LRRC72: variants seen among roughly 807,000 people sequenced by gnomAD.
LRRC72 encodes leucine-rich repeat-containing protein 72.
LRRC72 carries 41 observed loss-of-function variants against 35.8 expected under a neutral mutation model. The observed-to-expected ratio is 1.15, with a 90% CI of 0.89 to 1.49. The LOEUF is 1.49. Ranked by LOEUF, LRRC72 falls within the 40% of genes most tolerant of loss-of-function variation. LRRC72 has a pLI of 0.00. For missense variants in LRRC72, 389 were observed against 330.7 expected, an observed-to-expected ratio of 1.18 and a Z score of -1.37; for synonymous variants, 118 against 119.2, an observed-to-expected ratio of 0.99 and a Z score of 0.07.
intron 7 of LRRC72, among the ~76,000 whole-genome samples, chr7:16,569,945 G>A (rs575475724): frequency 1.9e-4 from 29 of 151,862 alleles, no homozygotes; most frequent in Middle Eastern, 3.4e-3. Flanking sequence ...CAGGAGAATC[G>A]CTTGCACCTG....
intron 7 of LRRC72, among the ~76,000 whole-genome samples, chr7:16,575,099 A>G (rs1783016486): frequency 7.3e-6 from 1 of 137,744 alleles, no homozygotes; most frequent in South Asian, 2.7e-4. Flanking sequence ...TGCGTGACAG[A>G]GTAAGACTCT....
In LRRC72 at chr7:16,581,432, G is replaced by C. The variant is rs1360805893; in HGVS notation, c.807G>C (p.Arg269Ser). ...ACACAGTTCCAACACGAGAGGAAAG[G>C]TACCTTGAAGAGGAAGGCACAGAAA... is the stretch of plus-strand genomic sequence containing the variant. ...NWDTVPTREE[R>S]YLEEEGTETA... Residue 269 changes from arginine to serine, a missense_variant, in exon 9 of 9, where the codon AGG becomes AGC. Coordinates refer to ENST00000401542, the MANE Select transcript of LRRC72 (RefSeq NM_001195280.2). 5 of 1,550,322 alleles carry C rather than the reference G, an allele frequency of 3.2e-6. No homozygotes were observed. The highest frequency in any genetic ancestry group is 4.4e-6 in the Non-Finnish European group (5 of 1,146,814).
chr7:16,558,035 T>C (rs1408974402), intron 4 of LRRC72, among the ~76,000 whole-genome samples: 2 of 152,224 alleles, frequency 1.3e-5, no homozygotes, highest in African/African-American at 2.4e-5. Context: ...GGCTACGACA[T>C]GGCTATCAAA....
chr7:16,542,411 A>T (rs1436782716), intron 3 of LRRC72, among the ~76,000 whole-genome samples: 1 of 152,228 alleles, frequency 6.6e-6, no homozygotes, highest in East Asian at 1.9e-4. Context: ...ACAGGTCTCA[A>T]TCAATTTAGA....
At chr7:16,559,661 T>C (rs1782710903) in intron 5 of LRRC72, among the ~76,000 whole-genome samples, 1 of 151,330 alleles carries the variant, frequency 6.6e-6, no homozygotes, top group Non-Finnish European at 1.5e-5. Flanking sequence ...CACCGAGAGG[T>C]AACTGTTTTT....
chr7:16,564,759 A>G (rs13241899), intron 5 of LRRC72, among the ~76,000 whole-genome samples: 2 of 152,164 alleles, frequency 1.3e-5, no homozygotes, highest in South Asian at 4.1e-4. Flanking sequence ...TGTTTATACA[A>G]CAAATATCAG....
Position 16,566,408 on chromosome 7 carries a change from G to A in LRRC72, c.517+6G>A. 1 of 1,525,452 alleles carries A rather than the reference G, an allele frequency of 6.6e-7. No homozygotes were observed. The highest frequency in any genetic ancestry group is 8.8e-7 in the Non-Finnish European group (1 of 1,133,138). The allele number at this position is 1,525,452 out of a possible 1,614,324, so 94.5% of individuals were successfully genotyped here. ...GGAGCTGCTTGACCGAAATCGTAAG[G>A]ACCCTTCCTTCTTGCAAAGAAATAT... On this transcript the variant is annotated splice_donor_region_variant and intron_variant, in intron 6 of 8. Coordinates refer to ENST00000401542, the MANE Select transcript of LRRC72 (RefSeq NM_001195280.2).
chr7:16,545,229 C>T (rs1041383668), intron 3 of LRRC72, among the ~76,000 whole-genome samples: 11 of 152,102 alleles, frequency 7.2e-5, no homozygotes, highest in Admixed American at 1.3e-4. Context: ...GCTCAATCTT[C>T]GATACTGTTA....
chr7:16,553,371 GA>G (rs1782589781), intron 3 of LRRC72, among the ~76,000 whole-genome samples: 1 of 152,188 alleles, frequency 6.6e-6, no homozygotes, highest in South Asian at 2.1e-4. Flanking sequence ...TGGATCTCGA[GA>G]AAGTTGTTTA....
intron 7 of LRRC72, among the ~76,000 whole-genome samples, chr7:16,576,258 A>T (rs939001771): frequency 6.6e-6 from 1 of 152,206 alleles, no homozygotes; most frequent in African/African-American, 2.4e-5. Flanking sequence ...GTAAATTTTT[A>T]AAATTTATCC....
rs78696100 is a variant in LRRC72, at chr7:16,548,727, C to T, written c.235-8633C>T. Among the ~76,000 whole-genome samples the T allele has an allele frequency of 4.0e-3, 608 of 152,362 alleles. 7 individuals carry two copies. Among genetic ancestry groups the T allele is most frequent in the African/African-American group, 0.014 (589 of 41,592 alleles). The stretch of plus-strand genomic sequence containing the variant: ...CCAAGCTGGTAGCAGGAGCTGAGCA[C>T]AGCCTTCCAGGCTGAGTGGGCAGAA... On this transcript the variant is annotated intron_variant, in intron 3 of 8. Transcript: ENST00000401542.
chr7:16,546,239 T>G (rs1159563177), intron 3 of LRRC72, among the ~76,000 whole-genome samples: 1 of 152,148 alleles, frequency 6.6e-6, no homozygotes, highest in Non-Finnish European at 1.5e-5. Flanking sequence ...AACACATAAG[T>G]ACAGAATTTT....
chr7:16,567,562 A>AAC lies in LRRC72; in HGVS notation c.670+20_670+21insCA. On this transcript the variant is annotated intron_variant, in intron 7 of 8. Coordinates refer to ENST00000401542, the MANE Select transcript of LRRC72 (RefSeq NM_001195280.2). ...CCTTCAGGTATTTCGTAAAAAAAAA[A>AAC]AAAAAAACAAATTTAATGAAATTAA... 4.2e-6 allele frequency: 6 copies of AAC among 1,418,070 alleles called. No homozygotes were observed. The highest frequency in any genetic ancestry group is 5.6e-6 in the Non-Finnish European group (6 of 1,079,458). The allele number at this position is 1,418,070 out of a possible 1,614,324, so 87.8% of individuals were successfully genotyped here.
chr7:16,549,725 A>T (rs930126038), intron 3 of LRRC72, among the ~76,000 whole-genome samples: 1 of 152,176 alleles, frequency 6.6e-6, no homozygotes, highest in Non-Finnish European at 1.5e-5. Context: ...ATCTTGTTTA[A>T]TGGGGTGTAG....
intron 3 of LRRC72, among the ~76,000 whole-genome samples, chr7:16,547,453 G>C (rs571768058): frequency 3.3e-5 from 5 of 152,224 alleles, no homozygotes; most frequent in African/African-American, 7.2e-5. Flanking sequence ...TGGGATCTGG[G>C]AGCAGGCAGG....
chr7:16,537,389 T>A (rs1170436314), intron 2 of LRRC72, among the ~76,000 whole-genome samples: 2 of 152,234 alleles, frequency 1.3e-5, no homozygotes, highest in Non-Finnish European at 1.5e-5. Context: ...AAATTTTTGC[T>A]AATGTGATAA....
chr7:16,567,304 T>C, intron 6 of LRRC72, 87 bp from the exon 7 acceptor site: 1 of 957,928 alleles, frequency 1.0e-6, no homozygotes, highest in Non-Finnish European at 1.5e-6. Context: ...TTTAGATAAA[T>C]ACATTCTTGA....
intron 2 of LRRC72, among the ~76,000 whole-genome samples, chr7:16,536,648 A>C (rs925451978): frequency 3.2e-5 from 4 of 124,116 alleles, no homozygotes; most frequent in Admixed American, 1.9e-4. Context: ...AAAAGTTGGC[A>C]AAAAAAAGGT....
At chr7:16,533,610 A>G (rs1353613679) in intron 2 of LRRC72, among the ~76,000 whole-genome samples, 2 of 152,102 alleles carry the variant, frequency 1.3e-5, no homozygotes, top group Non-Finnish European at 2.9e-5. Flanking sequence ...AACAAATTTA[A>G]TCACTTATTT....
Sources: gnomAD v4.1 joint callset for allele counts (sites outside exome capture counted in the v4.1 genomes callset) on GRCh38, gnomAD v4.1.1 for gene constraint, MANE v1.5 for transcripts, NCBI Gene and HGNC (gene_info 2026-07-23, HGNC 2026-07-21) for gene names.